The following IQGAP2 variants were observed in gnomAD, a reference collection of about 807,000 sequenced individuals.
IQGAP2 encodes the protein ras GTPase-activating-like protein IQGAP2.
IQGAP2 carries 173 observed loss-of-function variants against 201.3 expected under a neutral mutation model. That is an observed-to-expected ratio of 0.86 (90% CI 0.76 to 0.98). The LOEUF is 0.98. IQGAP2 is among the 50% of genes least tolerant of loss of function. The pLI is 0.00. For synonymous variants in IQGAP2, 675 were observed against 673.9 expected, an observed-to-expected ratio of 1.00 and a Z score of -0.03; for missense variants, 1,687 against 1,864.8, an observed-to-expected ratio of 0.90 and a Z score of 1.76.
At chr5:76,673,000 A>G (rs968887921) in intron 24 of IQGAP2, among the ~76,000 whole-genome samples, 4 of 152,080 alleles carry the variant, frequency 2.6e-5, no homozygotes, top group Non-Finnish European at 5.9e-5. Context: ...GCACATGTAT[A>G]CATATGTAAC....
At chr5:76,652,375 AT>A (rs1203503035) in intron 17 of IQGAP2, among the ~76,000 whole-genome samples, 1 of 152,176 alleles carries the variant, frequency 6.6e-6, no homozygotes, top group Non-Finnish European at 1.5e-5. Flanking sequence ...ATTTTCAAGC[AT>A]TTTTTGTTGT....
intron 28 of IQGAP2, chr5:76,677,637 G>A: frequency 4.4e-6 from 1 of 225,510 alleles, no homozygotes; most frequent in Non-Finnish European, 8.6e-6. Context: ...CATTTACAAA[G>A]CCAGATTGTG....
intron 2 of IQGAP2, among the ~76,000 whole-genome samples, chr5:76,467,144 C>G (rs1332206293): frequency 6.6e-6 from 1 of 152,058 alleles, no homozygotes; most frequent in African/African-American, 2.4e-5. Context: ...CCCAGCTACT[C>G]TGGAGGCTAA....
At chr5:76,566,635 A>G (rs75137384) in intron 3 of IQGAP2, among the ~76,000 whole-genome samples, 2,810 of 152,256 alleles carry the variant, frequency 0.018, 85 homozygotes, top group African/African-American at 0.063. Context: ...AGTTGCTGCT[A>G]TACAGAGAAC....
intron 1 of IQGAP2, among the ~76,000 whole-genome samples, chr5:76,460,860 C>CTTTTTTTT (rs61258350): frequency 8.8e-6 from 1 of 113,540 alleles, no homozygotes. Flanking sequence ...TTGCACACTG[C>CTTTTTTTT]TTTTTTTTTT....
chr5:76,540,068 G>T lies in IQGAP2; in HGVS notation c.147-22328G>T, dbSNP rs114008337. 4.4e-3 allele frequency among the ~76,000 whole-genome samples: 669 copies of T among 152,230 alleles called. 4 individuals carry two copies. Among genetic ancestry groups the T allele is most frequent in the African/African-American group, 0.015 (641 of 41,542 alleles). ...TTTTAATTAGCTGCAGGAATTGGAG[G>T]TTCAAAGCGCCCCAAGTTTTCTTCA... is the stretch of plus-strand genomic sequence containing the variant. On this transcript the variant is annotated intron_variant, in intron 2 of 35. Transcript: ENST00000274364.
Position 76,511,068 on chromosome 5 carries a change from T to G in IQGAP2, c.146+49399T>G, listed in dbSNP as rs1376457751. The stretch of plus-strand genomic sequence containing the variant: ...GAGCCACATGCTGCTGGCTCCACAT[T>G]CCCAGGAACAAGGATCCTACTGCAT... On this transcript the variant is annotated intron_variant, in intron 2 of 35. Coordinates refer to ENST00000274364, the MANE Select transcript of IQGAP2 (RefSeq NM_006633.5). 6.6e-5 allele frequency among the ~76,000 whole-genome samples: 10 copies of G among 152,228 alleles called. No individual in the cohort carries two copies. The East Asian group carries it at 1.9e-3, about 29-fold the overall frequency.
intron 17 of IQGAP2, among the ~76,000 whole-genome samples, chr5:76,649,861 T>C (rs1752375392): frequency 6.6e-6 from 1 of 152,200 alleles, no homozygotes; most frequent in African/African-American, 2.4e-5. Flanking sequence ...TTCCAAACAT[T>C]CTTTGAAATC....
chr5:76,515,938 C>T (rs980419319), intron 2 of IQGAP2, among the ~76,000 whole-genome samples: 2 of 134,146 alleles, frequency 1.5e-5, no homozygotes, highest in Non-Finnish European at 1.5e-5. Context: ...AGTGCAATGG[C>T]GAGATCATGG....
chr5:76,560,445 T>A (rs1163680506), intron 2 of IQGAP2, among the ~76,000 whole-genome samples: 1 of 151,768 alleles, frequency 6.6e-6, no homozygotes, highest in Non-Finnish European at 1.5e-5. Flanking sequence ...GCATGAGCCA[T>A]AGCGCCCAGT....
intron 1 of IQGAP2, among the ~76,000 whole-genome samples, chr5:76,416,531 C>CTTTTTTTTTT (rs1200311978): frequency 0.011 from 1,627 of 143,912 alleles, 63 homozygotes; most frequent in African/African-American, 0.04. Flanking sequence ...GTTCTTTGAG[C>CTTTTTTTTTT]TTTTTTTTTT....
At chr5:76,679,015 CAGCAATCT>C (rs755441633) in intron 28 of IQGAP2, among the ~76,000 whole-genome samples, 35 of 152,228 alleles carry the variant, frequency 2.3e-4, no homozygotes, top group Admixed American at 2.3e-3. Context: ...GAAAACTGTC[CAGCAATCT>C]AGCAATGCAT....
At chr5:76,519,158 C>G (rs970486759) in intron 2 of IQGAP2, among the ~76,000 whole-genome samples, 3 of 152,178 alleles carry the variant, frequency 2.0e-5, no homozygotes, top group Non-Finnish European at 4.4e-5. Flanking sequence ...CACCACCACA[C>G]TAAGGATACT....
At chr5:76,546,646 G>T (rs1743115865) in intron 2 of IQGAP2, among the ~76,000 whole-genome samples, 2 of 152,244 alleles carry the variant, frequency 1.3e-5, no homozygotes, top group South Asian at 4.2e-4. Flanking sequence ...AGCAGCATTG[G>T]TTTAATCATC....
intron 30 of IQGAP2, among the ~76,000 whole-genome samples, chr5:76,688,060 C>G (rs1745943661): frequency 6.6e-6 from 1 of 152,146 alleles, no homozygotes; most frequent in African/African-American, 2.4e-5. Flanking sequence ...GATTTGAACA[C>G]TCTCATCAGG....
intron 2 of IQGAP2, among the ~76,000 whole-genome samples, chr5:76,528,474 G>A (rs1377600150): frequency 6.6e-6 from 1 of 152,160 alleles, no homozygotes; most frequent in East Asian, 1.9e-4. Context: ...AGGAGGAGAT[G>A]GACCCTTGAT....
intron 13 of IQGAP2, among the ~76,000 whole-genome samples, chr5:76,619,188 TC>T (rs988677115): frequency 1.3e-5 from 2 of 152,166 alleles, no homozygotes; most frequent in African/African-American, 4.8e-5. Context: ...TTAAATAAAA[TC>T]CATTTCTATC....
intron 3 of IQGAP2, among the ~76,000 whole-genome samples, chr5:76,566,271 T>C (rs1744743039): frequency 6.6e-6 from 1 of 151,908 alleles, no homozygotes; most frequent in Non-Finnish European, 1.5e-5. Context: ...CGAAAGCCAG[T>C]GTTATGGGTA....
chr5:76,582,793 A>G (rs2150294417), intron 5 of IQGAP2, among the ~76,000 whole-genome samples: 1 of 152,082 alleles, frequency 6.6e-6, no homozygotes, highest in South Asian at 2.1e-4. Flanking sequence ...AACTACTACT[A>G]CTACTACTAC....
Sources: gnomAD v4.1 joint callset for allele counts (sites outside exome capture counted in the v4.1 genomes callset) on GRCh38, gnomAD v4.1.1 for gene constraint, MANE v1.5 for transcripts, NCBI Gene and HGNC (gene_info 2026-07-23, HGNC 2026-07-21) for gene names.